Variants in HLCS observed in about 807,000 individuals in gnomAD.
HLCS encodes the protein holocarboxylase synthetase, also known as biotin--protein ligase.
HLCS carries 53 observed loss-of-function variants against 75.0 expected under a neutral mutation model. That is an observed-to-expected ratio of 0.71 (90% confidence interval 0.57 to 0.89). HLCS has a LOEUF of 0.89. Ranked by LOEUF, HLCS falls within the 40% of genes least tolerant of loss-of-function variation. The pLI is 0.00. For missense variants in HLCS, 966 were observed against 1,074.0 expected (o/e 0.90, Z 1.41); for synonymous variants, 431 against 428.6 (o/e 1.01, Z -0.07).
At chr21:36,788,758 C>T (rs1490242570) in intron 6 of HLCS, among the ~76,000 whole-genome samples, 1 of 152,172 alleles carries the variant, frequency 6.6e-6, no homozygotes. Flanking sequence ...TGAATAACTT[C>T]TTTGGTAAAG....
At chr21:36,767,620 T>TC (rs1455678614) in intron 6 of HLCS, among the ~76,000 whole-genome samples, 3 of 152,068 alleles carry the variant, frequency 2.0e-5, no homozygotes, top group Non-Finnish European at 2.9e-5. Context: ...AAGTTCTTTC[T>TC]CCCCCCACCC....
intron 4 of HLCS, among the ~76,000 whole-genome samples, chr21:36,931,761 A>G (rs2066654704): frequency 6.6e-6 from 1 of 151,572 alleles, no homozygotes; most frequent in African/African-American, 2.4e-5. Flanking sequence ...GAAAAAAAAA[A>G]GAGAGAGAGA....
chr21:36,972,221 G>A (rs1305893333), intron 1 of HLCS: 1 of 152,164 alleles, frequency 6.6e-6, no homozygotes, highest in Non-Finnish European at 1.5e-5. Context: ...GTCTATGTGG[G>A]AGCTACAGAC....
At chr21:36,876,393 C>T (rs1349180274) in intron 6 of HLCS, among the ~76,000 whole-genome samples, 1 of 152,196 alleles carries the variant, frequency 6.6e-6, no homozygotes, top group Non-Finnish European at 1.5e-5. Context: ...CATCAACTTA[C>T]AGCAAACTGG....
At chr21:36,846,595 AAAG>A (rs1157498382) in intron 6 of HLCS, among the ~76,000 whole-genome samples, 6 of 152,236 alleles carry the variant, frequency 3.9e-5, no homozygotes, top group Non-Finnish European at 8.8e-5. Context: ...AAAAATTCTA[AAAG>A]AAGAATCCTT....
intron 6 of HLCS, among the ~76,000 whole-genome samples, chr21:36,770,941 C>T (rs952246556): frequency 5.3e-5 from 8 of 152,040 alleles, no homozygotes; most frequent in Admixed American, 3.3e-4. Flanking sequence ...GACAATTGGC[C>T]GGGCGTGGTG....
At chr21:36,865,395 A>C (rs185774444) in intron 6 of HLCS, among the ~76,000 whole-genome samples, 8 of 152,278 alleles carry the variant, frequency 5.3e-5, no homozygotes, top group Admixed American at 3.9e-4. Flanking sequence ...AAAGAAGCAA[A>C]GATGGAAAAA....
At chr21:36,825,078 G>A (rs2061964624) in intron 6 of HLCS, among the ~76,000 whole-genome samples, 1 of 152,186 alleles carries the variant, frequency 6.6e-6, no homozygotes, top group Non-Finnish European at 1.5e-5. Flanking sequence ...TCTAATAGCA[G>A]GGAGACCACT....
intron 6 of HLCS, among the ~76,000 whole-genome samples, chr21:36,786,880 T>C (rs2016223): frequency 0.2 from 30,139 of 152,188 alleles, 3,624 homozygotes; most frequent in Middle Eastern, 0.31. Flanking sequence ...TAACGAGTGA[T>C]ATGAGGCCTT....
Position 36,937,381 on chromosome 21 carries a change from G to GC in HLCS, c.504dup (p.Gln169AlafsTer9). 1.2e-6 allele frequency: 2 copies of GC among 1,613,448 alleles called. No individual in the cohort carries two copies. Among genetic ancestry groups the GC allele is most frequent in the East Asian group, 4.5e-5 (2 of 44,880 alleles). ...TTAACTTCCTTCAGAGTGGAGTCCT[G>GC]CAAGTGCACCGCTAAGGCATGAATA... is the stretch of plus-strand genomic sequence containing the variant. On this transcript the variant is annotated frameshift_variant, in exon 4 of 11. Coordinates refer to ENST00000674895, the MANE Select transcript of HLCS (RefSeq NM_001352514.2). LOFTEE classifies it high-confidence loss of function.
chr21:36,917,356 C>T (rs1040386729), intron 5 of HLCS, among the ~76,000 whole-genome samples: 3 of 152,158 alleles, frequency 2.0e-5, no homozygotes, highest in Admixed American at 6.6e-5. Flanking sequence ...AGAACACCTC[C>T]CTGAAAAACC....
chr21:36,858,446 A>G (rs1476161662), intron 6 of HLCS, among the ~76,000 whole-genome samples: 2 of 152,198 alleles, frequency 1.3e-5, no homozygotes, highest in Non-Finnish European at 2.9e-5. Context: ...TCTTACAGAA[A>G]ACAGAAGATT....
intron 5 of HLCS, among the ~76,000 whole-genome samples, chr21:36,920,025 G>C (rs1448006745): frequency 6.6e-6 from 1 of 152,172 alleles, no homozygotes; most frequent in Non-Finnish European, 1.5e-5. Context: ...ACAGAGAAGG[G>C]TTTGGTCATG....
chr21:36,871,588 G>T (rs1173632071), intron 6 of HLCS, among the ~76,000 whole-genome samples: 1 of 151,808 alleles, frequency 6.6e-6, no homozygotes, highest in Non-Finnish European at 1.5e-5. Flanking sequence ...TTATACCATA[G>T]CACTTGAAAA....
At chr21:36,952,378 G>A (rs965352622) in intron 2 of HLCS, among the ~76,000 whole-genome samples, 27 of 152,192 alleles carry the variant, frequency 1.8e-4, no homozygotes, top group Admixed American at 1.6e-3. Flanking sequence ...AATGGCTCTG[G>A]ACGTCTCTAG....
intron 6 of HLCS, among the ~76,000 whole-genome samples, chr21:36,834,426 G>T (rs113635384): frequency 0.011 from 1,737 of 152,342 alleles, 24 homozygotes; most frequent in African/African-American, 0.039. Flanking sequence ...AAGTAGCCAG[G>T]TGGGCGAGTG....
intron 6 of HLCS, among the ~76,000 whole-genome samples, chr21:36,770,531 A>G (rs534500311): frequency 6.6e-6 from 1 of 152,236 alleles, no homozygotes; most frequent in African/African-American, 2.4e-5. Context: ...TGATGGCTAT[A>G]TTAAGATTTT....
intron 6 of HLCS, among the ~76,000 whole-genome samples, chr21:36,838,780 G>A (rs538625688): frequency 1.3e-5 from 2 of 152,028 alleles, no homozygotes; most frequent in South Asian, 2.1e-4. Flanking sequence ...ACATGAAGAC[G>A]GGGGTAGAGA....
chr21:36,858,137 T>C (rs774160945), intron 6 of HLCS, among the ~76,000 whole-genome samples: 2 of 152,174 alleles, frequency 1.3e-5, no homozygotes, highest in Non-Finnish European at 2.9e-5. Context: ...ATTAGATATT[T>C]AAAGTCATCA....
Sources: allele counts gnomAD v4.1 joint callset (sites outside exome capture counted in the v4.1 genomes callset), GRCh38; gene constraint gnomAD v4.1.1; transcripts MANE v1.5; gene names NCBI Gene and HGNC (gene_info 2026-07-23, HGNC 2026-07-21).